Variants in AUTS2 observed in about 807,000 individuals in gnomAD.
The protein encoded by AUTS2 is autism susceptibility gene 2 protein.
AUTS2 carries 17 observed loss-of-function variants against 112.4 expected under a neutral mutation model. The observed-to-expected ratio is 0.15, with a 90% CI of 0.10 to 0.23. The LOEUF is 0.23. AUTS2 is among the 10% of genes least tolerant of loss of function. The probability of loss-of-function intolerance (pLI) is 1.00; values close to 1 mark genes in which losing one functional copy is unlikely to be tolerated. For missense variants in AUTS2, 1,510 were observed against 1,701.6 expected (o/e 0.89, Z 1.98); for synonymous variants, 751 against 702.7 (o/e 1.07, Z -1.09).
chr7:70,162,445 C>CAAA lies in AUTS2; in HGVS notation c.660+27907_660+27909dup, dbSNP rs57688959. 3.1e-3 allele frequency among the ~76,000 whole-genome samples: 178 copies of CAAA among 56,704 alleles called. 4 individuals are homozygous for CAAA. Among genetic ancestry groups the CAAA allele is most frequent in the African/African-American group, 6.1e-3 (87 of 14,272 alleles). The allele number at this position is 56,704 out of a possible 152,430, so 37.2% of individuals were successfully genotyped here. A position where few individuals can be genotyped will look rare whatever the true frequency, so the allele number is the denominator to read the frequency against. ...TGGGCGACAGAGCGAGACTCCGTCT[C>CAAA]AAAAAAAAAAAAAAAAAAAAAAAAA... On this transcript the variant is annotated intron_variant, in intron 4 of 18. Coordinates refer to ENST00000342771, the MANE Select transcript of AUTS2 (RefSeq NM_015570.4).
chr7:70,691,586 T>A (rs1044020103), intron 5 of AUTS2, among the ~76,000 whole-genome samples: 1 of 152,144 alleles, frequency 6.6e-6, no homozygotes, highest in Non-Finnish European at 1.5e-5. Context: ...CATCCCCGCT[T>A]CCAGAAAGCA....
chr7:70,077,448 T>C (rs1803089435), intron 2 of AUTS2, among the ~76,000 whole-genome samples: 1 of 152,228 alleles, frequency 6.6e-6, no homozygotes, highest in Non-Finnish European at 1.5e-5. Context: ...CTGTCATCTT[T>C]ATGTGATTGG....
chr7:70,659,618 G>A (rs1806961996), intron 5 of AUTS2, among the ~76,000 whole-genome samples: 1 of 152,192 alleles, frequency 6.6e-6, no homozygotes, highest in South Asian at 2.1e-4. Flanking sequence ...ACATTACTGG[G>A]AGGATACCAT....
rs777459278 is a variant in AUTS2 at position 70,264,205 on chromosome 7, TTTTG to T, written c.660+129650_660+129653del. Among the ~76,000 whole-genome samples the T allele has an allele frequency of 9.9e-5, 15 of 152,256 alleles. No individual in the cohort carries two copies. In the East Asian group the frequency reaches 2.5e-3, roughly 25 times the overall value. On this transcript the variant is annotated intron_variant, in intron 4 of 18. Coordinates refer to ENST00000342771, the MANE Select transcript of AUTS2 (RefSeq NM_015570.4). ...ATCCACTTGCGAATGTTAGCATTCT[TTTTG>T]TTTGTTTGTTTGTTTTTGAGATGGA...
intron 5 of AUTS2, among the ~76,000 whole-genome samples, chr7:70,620,369 G>C (rs113404563): frequency 6.6e-6 from 1 of 152,184 alleles, no homozygotes; most frequent in Non-Finnish European, 1.5e-5. Context: ...ATTCTCCAGC[G>C]GAGCGTGTAG....
intron 1 of AUTS2, among the ~76,000 whole-genome samples, chr7:69,827,794 TG>T (rs1267377868): frequency 2.0e-5 from 3 of 152,228 alleles, no homozygotes; most frequent in Non-Finnish European, 4.4e-5. Flanking sequence ...AAAACCTTGA[TG>T]GGATGTCTCT....
chr7:69,906,864 T>C (rs570737929), intron 2 of AUTS2, among the ~76,000 whole-genome samples: 29 of 152,250 alleles, frequency 1.9e-4, no homozygotes, highest in Admixed American at 1.7e-3. Context: ...CTCAGCACTT[T>C]GGGAGGCTAA....
chr7:70,578,884 ATCTTT>A lies in AUTS2; in HGVS notation c.691-119675_691-119671del, dbSNP rs1486823839. On this transcript the variant is annotated intron_variant, in intron 5 of 18. Transcript: ENST00000342771. Reference sequence around the variant, plus strand: ...AGGTCTAAGATGCCTAAGTTATATTATCTTTTCTTTTCTTCTTTCCTTTCTTTCTT... The same window carrying A: ...AGGTCTAAGATGCCTAAGTTATATTATCTTTTCTTCTTTCCTTTCTTTCTT... 2.0e-5 allele frequency among the ~76,000 whole-genome samples: 3 copies of A among 149,570 alleles called. No individual in the cohort carries two copies. The East Asian group carries it at 5.9e-4, about 29-fold the overall frequency.
At chr7:70,067,915 A>T (rs1802570039) in intron 2 of AUTS2, among the ~76,000 whole-genome samples, 1 of 152,008 alleles carries the variant, frequency 6.6e-6, no homozygotes, top group Non-Finnish European at 1.5e-5. Context: ...ACATCATGCA[A>T]ATGCATGGTT....
At chr7:69,869,987 T>C (rs1793410741) in intron 1 of AUTS2, among the ~76,000 whole-genome samples, 1 of 152,152 alleles carries the variant, frequency 6.6e-6, no homozygotes, top group African/African-American at 2.4e-5. Flanking sequence ...AAAAAGTACT[T>C]GGATAATTCC....
At chr7:70,035,026 T>A (rs1800939878) in intron 2 of AUTS2, among the ~76,000 whole-genome samples, 1 of 152,172 alleles carries the variant, frequency 6.6e-6, no homozygotes, top group Non-Finnish European at 1.5e-5. Flanking sequence ...GTTTTTGACA[T>A]ATTGACATTG....
chr7:69,731,954 T>C lies in AUTS2; in HGVS notation c.309+131992T>C, dbSNP rs117877046. Among the ~76,000 whole-genome samples, 8 of 152,334 alleles carry C rather than the reference T, an allele frequency of 5.3e-5. No individual in the cohort carries two copies. In the East Asian group the frequency reaches 1.5e-3, roughly 29 times the overall value. On this transcript the variant is annotated intron_variant, in intron 1 of 18. Transcript: ENST00000342771. The stretch of plus-strand genomic sequence containing the variant: ...TTCTTGTGAAGATTACGTTAAATAA[T>C]GCATTAGGAAGCACTTTGTATAGAA...
intron 1 of AUTS2, among the ~76,000 whole-genome samples, chr7:69,838,234 C>T (rs1035951909): frequency 6.6e-6 from 1 of 152,102 alleles, no homozygotes; most frequent in Non-Finnish European, 1.5e-5. Context: ...GAATTTTGGG[C>T]TCTGAATATG....
At chr7:69,980,757 A>T (rs1798262900) in intron 2 of AUTS2, among the ~76,000 whole-genome samples, 1 of 152,106 alleles carries the variant, frequency 6.6e-6, no homozygotes, top group East Asian at 1.9e-4. Context: ...CCAAGTATCA[A>T]CTCTGGAGAT....
At chr7:69,711,840 G>C (rs922628046) in intron 1 of AUTS2, among the ~76,000 whole-genome samples, 3 of 151,976 alleles carry the variant, frequency 2.0e-5, no homozygotes, top group African/African-American at 4.8e-5. Context: ...TGTAATATGT[G>C]GTATGCATTA....
intron 5 of AUTS2, among the ~76,000 whole-genome samples, chr7:70,613,444 G>A (rs575580000): frequency 2.0e-5 from 3 of 152,094 alleles, no homozygotes; most frequent in African/African-American, 4.8e-5. Flanking sequence ...GAGATGAGGA[G>A]GGTATTGTGT....
chr7:70,099,166 CCT>C (rs1046525968), intron 2 of AUTS2, among the ~76,000 whole-genome samples: 1 of 152,244 alleles, frequency 6.6e-6, no homozygotes, highest in African/African-American at 2.4e-5. Flanking sequence ...TTGAAAAAAA[CCT>C]CTTTCTCTCT....
rs1002936417 is a variant in AUTS2, at chr7:70,070,557, C to T, written c.523-47575C>T. ...TTGCGCCACTGCACTTCAGCCTGGG[C>T]GATAAGCAAGACTGTGTCTCAAAAG... On this transcript the variant is annotated intron_variant, in intron 2 of 18. Transcript: ENST00000342771. Among the ~76,000 whole-genome samples the T allele has an allele frequency of 6.0e-5, 9 of 151,170 alleles. No homozygotes were observed. In the East Asian group the frequency reaches 1.4e-3, roughly 23 times the overall value.
At chr7:70,282,310 AC>A (rs1455918002) in intron 4 of AUTS2, among the ~76,000 whole-genome samples, 2 of 152,090 alleles carry the variant, frequency 1.3e-5, no homozygotes, top group Non-Finnish European at 2.9e-5. Context: ...CCTTCTTGGT[AC>A]CAGTTTTTGT....
Sources: gnomAD v4.1 joint callset for allele counts (sites outside exome capture counted in the v4.1 genomes callset) on GRCh38, gnomAD v4.1.1 for gene constraint, MANE v1.5 for transcripts, NCBI Gene and HGNC (gene_info 2026-07-23, HGNC 2026-07-21) for gene names.